The following MALAT1 variants were observed in gnomAD, a reference collection of about 807,000 sequenced individuals.
MALAT1 encodes metastasis associated lung adenocarcinoma transcript 1.
At chr11:65,498,385 C>G (rs1335741399) in intron 1 of MALAT1, 1 of 518,404 alleles carries the variant, frequency 1.9e-6, no homozygotes, top group East Asian at 5.4e-5. Context: ...CCACTGGCAG[C>G]CAACGGCCCC....
intron 3 of MALAT1, chr11:65,505,959 T>TGGCC (rs774087176): frequency 4.5e-6 from 2 of 444,248 alleles, no homozygotes; most frequent in Non-Finnish European, 8.7e-6. Context: ...CAGGTGAACA[T>TGGCC]AACAGACTTG....
Position 65,502,528 on chromosome 11 carries a change from T to A in MALAT1, n.3791T>A, listed in dbSNP as rs80314015. The A allele has an allele frequency of 1.8e-4, 86 of 485,360 alleles. No individual in the cohort carries two copies. In the East Asian group the frequency reaches 4.5e-3, roughly 25 times the overall value. The allele number at this position is 485,360 out of a possible 1,614,324, so 30.1% of individuals were successfully genotyped here. A position where few individuals can be genotyped will look rare whatever the true frequency, so the allele number is the denominator to read the frequency against. ...TTGTAAATTGTTTATTTTAAACTTA[T>A]CTGTTTGTAAATTGTAACTGATTAA... On this transcript the variant is annotated non_coding_transcript_exon_variant, in exon 3 of 4. Transcript: ENST00000619449.
At chr11:65,499,917 A>G (rs982628367) in exon 3 of MALAT1, 7 of 436,928 alleles carry the variant, frequency 1.6e-5, no homozygotes, top group Non-Finnish European at 3.1e-5. Flanking sequence ...AAAACAAGCT[A>G]AGACAAGTAT....
exon 3 of MALAT1, chr11:65,500,856 T>A (rs1249399185): frequency 1.9e-6 from 1 of 518,922 alleles, no homozygotes; most frequent in Non-Finnish European, 3.8e-6. Flanking sequence ...GGGAGTTTCG[T>A]ACTGAGGTGT....
At chr11:65,505,280 T>A (rs1254064687) in intron 3 of MALAT1, 1 of 518,666 alleles carries the variant, frequency 1.9e-6, no homozygotes. Flanking sequence ...TATCCTAAGG[T>A]CAAGAGAAGT....
intron 3 of MALAT1, chr11:65,506,052 C>A: frequency 2.3e-6 from 1 of 443,636 alleles, no homozygotes; most frequent in Admixed American, 3.1e-5. Flanking sequence ...GAGAAAACAA[C>A]ACGTATTGTT....
exon 3 of MALAT1, chr11:65,503,147 C>G: frequency 3.9e-6 from 2 of 509,384 alleles, no homozygotes; most frequent in Non-Finnish European, 7.8e-6. Flanking sequence ...AGAAGAGTTG[C>G]TTCATTTCAT....
chr11:65,503,882 A>C (rs375094674), exon 3 of MALAT1: 1 of 518,128 alleles, frequency 1.9e-6, no homozygotes, highest in African/African-American at 1.9e-5. Context: ...CCTCTAAATA[A>C]GGAATAAATA....
exon 3 of MALAT1, chr11:65,501,089 A>C (rs2134982312): frequency 1.9e-6 from 1 of 513,392 alleles, no homozygotes; most frequent in East Asian, 5.5e-5. Context: ...ATCTGTAAGC[A>C]GTTTGTATGT....
chr11:65,504,076 C>T (rs767823933), intron 3 of MALAT1: 32 of 517,866 alleles, frequency 6.2e-5, no homozygotes, highest in African/African-American at 5.0e-4. Context: ...ACACTATTGA[C>T]CTTATATAGG....
At chr11:65,500,529 G>T in exon 3 of MALAT1, 1 of 518,952 alleles carries the variant, frequency 1.9e-6, no homozygotes, top group African/African-American at 1.9e-5. Flanking sequence ...GATAGGAAAA[G>T]AGTCCAGGAG....
exon 3 of MALAT1, chr11:65,501,299 C>T (rs746554528): frequency 1.9e-6 from 1 of 518,380 alleles, no homozygotes; most frequent in South Asian, 1.4e-5. Context: ...ATCCTAAAGG[C>T]AAATGACTCA....
exon 1 of MALAT1, chr11:65,497,754 A>C (rs758672034): frequency 2.4e-6 from 1 of 421,130 alleles, no homozygotes; most frequent in Non-Finnish European, 4.7e-6. Flanking sequence ...CTGCAGCCCG[A>C]GACTTCTGTA....
intron 3 of MALAT1, chr11:65,504,744 A>G (rs1854640057): frequency 1.9e-6 from 1 of 518,938 alleles, no homozygotes; most frequent in Non-Finnish European, 3.8e-6. Flanking sequence ...ATGTTTAAAC[A>G]GTTCAGTGAT....
intron 3 of MALAT1, chr11:65,505,271 A>T (rs749093166): frequency 2.5e-5 from 13 of 518,774 alleles, no homozygotes; most frequent in Non-Finnish European, 4.2e-5. Flanking sequence ...AAGCGCTATT[A>T]TCCTAAGGTC....
At chr11:65,504,363 G>T in intron 3 of MALAT1, 2 of 517,574 alleles carry the variant, frequency 3.9e-6, no homozygotes, top group Non-Finnish European at 7.7e-6. Context: ...CTTCAGGTCT[G>T]TCTGTTCTGT....
At chr11:65,504,995 C>T (rs762182306) in intron 3 of MALAT1, 5 of 518,682 alleles carry the variant, frequency 9.6e-6, no homozygotes, top group Admixed American at 5.8e-5. Flanking sequence ...GTTGAATTCA[C>T]CAGTGGACAA....
At chr11:65,504,722 T>G (rs755005356) in intron 3 of MALAT1, 1 of 518,946 alleles carries the variant, frequency 1.9e-6, no homozygotes. Flanking sequence ...GAAATTAAAC[T>G]GGCAAGTGGA....
chr11:65,505,760 C>CTA, intron 3 of MALAT1: 1 of 518,754 alleles, frequency 1.9e-6, no homozygotes, highest in South Asian at 1.4e-5. Flanking sequence ...AAAACCACAG[C>CTA]TAAGTAGCTC....
Sources: gnomAD v4.1 joint callset for allele counts on GRCh38, gnomAD v4.1.1 for gene constraint, MANE v1.5 for transcripts, NCBI Gene and HGNC (gene_info 2026-07-23, HGNC 2026-07-21) for gene names.